CADPS: variants seen among roughly 807,000 people sequenced by gnomAD.
CADPS encodes calcium-dependent secretion activator 1.
In CADPS, 57 loss-of-function variants were observed where a neutral mutation model predicts 167.3. The ratio of observed to expected loss-of-function variants is 0.34; its 90% CI spans 0.28 to 0.42. CADPS has a LOEUF of 0.42. Among genes scored for constraint, CADPS ranks in the 20% least tolerant of loss-of-function variants. The pLI is 1.00. For missense variants in CADPS, 1,414 were observed against 1,738.1 expected (o/e 0.81, Z 3.32); for synonymous variants, 676 against 635.3 (o/e 1.06, Z -0.96).
chr3:62,622,564 C>T lies in CADPS; in HGVS notation c.1325+23158G>A, dbSNP rs184612716. ...AAATATTTTTAAAAAGTCTTAGAAA[C>T]GGAAGGGGCCAAAGACACATTAACT... is the stretch of plus-strand genomic sequence containing the variant. On this transcript the variant is annotated intron_variant, in intron 6 of 29. Coordinates refer to ENST00000383710, the MANE Select transcript of CADPS (RefSeq NM_003716.4). 4.3e-4 allele frequency among the ~76,000 whole-genome samples: 65 copies of T among 152,088 alleles called. 1 individual carries two copies. Among genetic ancestry groups the T allele is most frequent in the African/African-American group, 1.3e-3 (55 of 41,494 alleles).
chr3:62,753,816 C>T lies in CADPS; in HGVS notation c.556-43G>A, dbSNP rs2083250265. 2 of 1,550,664 alleles carry T rather than the reference C, an allele frequency of 1.3e-6. No homozygotes were observed. The highest frequency in any genetic ancestry group is 1.8e-5 in the Admixed American group (1 of 55,550). On this transcript the variant is annotated intron_variant, in intron 2 of 29. Transcript: ENST00000383710. The surrounding 1 kb of genome is among the most constrained non-coding windows in gnomAD (Gnocchi z 4.6). ...CAGGAAAGACAGTAGGAGAGTTTAC[C>T]ACAGAGGTACCAGTTCCCTGGGGCT... is the stretch of plus-strand genomic sequence containing the variant.
chr3:62,758,739 G>C (rs758272355), intron 2 of CADPS, among the ~76,000 whole-genome samples: 27 of 152,210 alleles, frequency 1.8e-4, no homozygotes, highest in African/African-American at 6.0e-4. Flanking sequence ...GTCATAATGA[G>C]AGATGGAAGA....
At chr3:62,583,592 A>G (rs2083926393) in intron 8 of CADPS, among the ~76,000 whole-genome samples, 1 of 152,146 alleles carries the variant, frequency 6.6e-6, no homozygotes, top group African/African-American at 2.4e-5. Flanking sequence ...CCATAATCCC[A>G]GCTCAGGCTT....
chr3:62,723,026 A>C (rs17067030), intron 3 of CADPS, among the ~76,000 whole-genome samples: 1 of 152,216 alleles, frequency 6.6e-6, no homozygotes, highest in Non-Finnish European at 1.5e-5. Flanking sequence ...AATTTTATTC[A>C]TTAGTTGAGG....
At chr3:62,787,378 A>G (rs531735808) in intron 1 of CADPS, among the ~76,000 whole-genome samples, 1 of 152,294 alleles carries the variant, frequency 6.6e-6, no homozygotes, top group Non-Finnish European at 1.5e-5. Context: ...AATTTTCAAA[A>G]ATACTGAAGC....
At chr3:62,863,897 G>T (rs1413066471) in intron 1 of CADPS, among the ~76,000 whole-genome samples, 3 of 152,194 alleles carry the variant, frequency 2.0e-5, no homozygotes, top group Non-Finnish European at 2.9e-5. Flanking sequence ...TAAGGGGAAA[G>T]AATCTGGATG....
intron 4 of CADPS, among the ~76,000 whole-genome samples, chr3:62,660,466 T>C (rs951557164): frequency 2.0e-5 from 3 of 152,224 alleles, no homozygotes; most frequent in African/African-American, 7.2e-5. Context: ...GCGCATACTA[T>C]TTTTAGCCAC....
At position 62,616,554 on chromosome 3, in the gene CADPS, T is replaced by G. The variant is rs1217394372; in HGVS notation, c.1326-23806A>C. 2.6e-5 allele frequency among the ~76,000 whole-genome samples: 4 copies of G among 152,168 alleles called. No homozygotes were observed. In the South Asian group the frequency reaches 6.2e-4, roughly 24 times the overall value. On this transcript the variant is annotated intron_variant, in intron 6 of 29. Transcript: ENST00000383710. ...GTTAAATTGTAATTTGCTGGTCATG[T>G]CCAGGGACCCCGGCTGGGTCAATGT...
chr3:62,413,280 G>A (rs1002338870), intron 28 of CADPS, among the ~76,000 whole-genome samples: 1 of 152,082 alleles, frequency 6.6e-6, no homozygotes, highest in Admixed American at 6.6e-5. Flanking sequence ...GAGTATAGAT[G>A]CAAAAACATT....
At chr3:62,524,019 GTTC>G (rs1402135757) in intron 13 of CADPS, among the ~76,000 whole-genome samples, 1 of 152,192 alleles carries the variant, frequency 6.6e-6, no homozygotes, top group African/African-American at 2.4e-5. Flanking sequence ...CTTAGTAGAT[GTTC>G]TTTGCAGTGC....
intron 28 of CADPS, among the ~76,000 whole-genome samples, chr3:62,428,491 G>A (rs898296349): frequency 6.6e-6 from 1 of 151,826 alleles, no homozygotes; most frequent in African/African-American, 2.4e-5. Context: ...AGAGGGTCCT[G>A]GATGTCTAAC....
At chr3:62,481,318 C>G (rs1323311816) in intron 22 of CADPS, among the ~76,000 whole-genome samples, 1 of 152,092 alleles carries the variant, frequency 6.6e-6, no homozygotes, top group Non-Finnish European at 1.5e-5. Flanking sequence ...AGAAAACACC[C>G]CAGATTCTAG....
At position 62,602,190 on chromosome 3, in the gene CADPS, A is replaced by G. The variant is rs1381903630; in HGVS notation, c.1326-9442T>C. Among the ~76,000 whole-genome samples, 1 of 148,384 alleles carries G rather than the reference A, an allele frequency of 6.7e-6. No individual in the cohort carries two copies. The highest frequency in any genetic ancestry group is 1.5e-5 in the Non-Finnish European group (1 of 67,546). On this transcript the variant is annotated intron_variant, in intron 6 of 29. Coordinates refer to ENST00000383710, the MANE Select transcript of CADPS (RefSeq NM_003716.4). This position sits in a 1 kb window ranked among gnomAD's most constrained non-coding sequence, Gnocchi z 4.4. Reference sequence around the variant, plus strand: ...AGTGATATTTACGAATGCATATGTGAGTAAGCCAAGAACACATCTACGTTA... The same window carrying G: ...AGTGATATTTACGAATGCATATGTGGGTAAGCCAAGAACACATCTACGTTA...
rs143589699 is a variant in CADPS at position 62,803,141 on chromosome 3, T to G, written c.442-37157A>C. ...GCATAGGAGAGCTGAACCATGCAAC[T>G]CCACATTGCTACACCTGCTGGGTGA... On this transcript the variant is annotated intron_variant, in intron 1 of 29. Coordinates refer to ENST00000383710, the MANE Select transcript of CADPS (RefSeq NM_003716.4). Among the ~76,000 whole-genome samples, 209 of 152,132 alleles carry G rather than the reference T, an allele frequency of 1.4e-3. 2 individuals are homozygous for G. The East Asian group carries it at 0.037, about 27-fold the overall frequency.
rs375661417 is a variant in CADPS, at chr3:62,842,301, G to A, written c.441+32288C>T. 3.2e-4 allele frequency among the ~76,000 whole-genome samples: 49 copies of A among 152,308 alleles called. No homozygotes were observed. The East Asian group carries it at 3.5e-3, about 11-fold the overall frequency. ...TTTCAGATGAGGAAACTGAGGTAAAGGGAAGTTAAGTAACTCATCCAAAGT... is the reference window on the plus strand; with the variant it reads ...TTTCAGATGAGGAAACTGAGGTAAAAGGAAGTTAAGTAACTCATCCAAAGT... On this transcript the variant is annotated intron_variant, in intron 1 of 29. Coordinates refer to ENST00000383710, the MANE Select transcript of CADPS (RefSeq NM_003716.4).
At chr3:62,402,997 T>A in intron 29 of CADPS, 84 bp downstream of exon 29, 1 of 811,838 alleles carries the variant, frequency 1.2e-6, no homozygotes, top group Non-Finnish European at 2.0e-6. Context: ...TAATATTCTT[T>A]GTGTTAAGCA....
chr3:62,495,788 C>T lies in CADPS; in HGVS notation c.2707-2123G>A, dbSNP rs1247622012. Among the ~76,000 whole-genome samples the T allele has an allele frequency of 5.9e-5, 9 of 152,308 alleles. No individual in the cohort carries two copies. In the East Asian group the frequency reaches 1.3e-3, roughly 23 times the overall value. On this transcript the variant is annotated intron_variant, in intron 18 of 29. Transcript: ENST00000383710. Reference sequence around the variant, plus strand: ...TGTGTATGTTTGTGAATAGATTAGACTCTGGAAACAGAGTTTAGCTGCAAT... The same window carrying T: ...TGTGTATGTTTGTGAATAGATTAGATTCTGGAAACAGAGTTTAGCTGCAAT...
chr3:62,779,137 C>T (rs941038058), intron 1 of CADPS: 3 of 178,720 alleles, frequency 1.7e-5, no homozygotes, highest in African/African-American at 2.4e-5. Context: ...ATCCGCCTAC[C>T]TCGGCCCCCA....
chr3:62,715,795 C>T (rs1396114731), intron 3 of CADPS, among the ~76,000 whole-genome samples: 22 of 101,400 alleles, frequency 2.2e-4, no homozygotes, highest in African/African-American at 5.2e-4. Flanking sequence ...CTTGCTGTGT[C>T]GCCCAGGCTG....
Sources: gnomAD v4.1 joint callset for allele counts (sites outside exome capture counted in the v4.1 genomes callset) on GRCh38, gnomAD v4.1.1 for gene constraint, Gnocchi (gnomAD v3.1) non-coding constraint, MANE v1.5 for transcripts, NCBI Gene and HGNC (gene_info 2026-07-23, HGNC 2026-07-21) for gene names.